The following ABCD3 variants were observed in gnomAD, a reference collection of about 807,000 sequenced individuals.
ABCD3 encodes the protein ATP binding cassette subfamily D member 3.
Under a neutral mutation model 105.5 loss-of-function variants are expected in ABCD3, and 41 were observed. The observed-to-expected ratio is 0.39, with a 90% CI of 0.30 to 0.50. ABCD3 has a LOEUF of 0.50. ABCD3 is among the 20% of genes least tolerant of loss of function. The pLI is 0.84. For missense variants in ABCD3, 622 were observed against 806.3 expected (o/e 0.77, Z 2.77); for synonymous variants, 258 against 269.0 (o/e 0.96, Z 0.40).
At chr1:94,493,370 AT>A (rs1372720502) in intron 16 of ABCD3, among the ~76,000 whole-genome samples, 3 of 152,128 alleles carry the variant, frequency 2.0e-5, no homozygotes, top group African/African-American at 7.2e-5. Flanking sequence ...CATCAGAGAA[AT>A]GCAAATCAAA....
chr1:94,476,893 C>T (rs1448268678), intron 7 of ABCD3, among the ~76,000 whole-genome samples: 1 of 151,712 alleles, frequency 6.6e-6, no homozygotes, highest in Non-Finnish European at 1.5e-5. Context: ...CTCTTTCTCT[C>T]TCTCTCTGTC....
In ABCD3 at chr1:94,499,618, A is replaced by G; in HGVS notation, c.1740+4A>G. 1.2e-6 allele frequency: 2 copies of G among 1,613,474 alleles called. No individual in the cohort carries two copies. The highest frequency in any genetic ancestry group is 2.7e-5 in the African/African-American group (2 of 75,022). ...TGGAGAAAAGCAAAGAATGGCGGTAAGTATACTGTGAAGAAGTTGCACAAG... is the reference window on the plus strand; with the variant it reads ...TGGAGAAAAGCAAAGAATGGCGGTAGGTATACTGTGAAGAAGTTGCACAAG... On this transcript the variant is annotated splice_donor_region_variant and intron_variant, in intron 20 of 22. Coordinates refer to ENST00000370214, the MANE Select transcript of ABCD3 (RefSeq NM_002858.4).
the ABCD3 span, among the ~76,000 whole-genome samples, chr1:94,386,917 C>T: frequency 6.6e-6 from 1 of 152,026 alleles, no homozygotes; most frequent in East Asian, 1.9e-4. Flanking sequence ...CAATGAGCAG[C>T]ATTTCTTTTA....
chr1:94,417,103 T>G (rs1333866359), upstream of ABCD3, among the ~76,000 whole-genome samples: 1 of 152,342 alleles, frequency 6.6e-6, no homozygotes, highest in Non-Finnish European at 1.5e-5. Flanking sequence ...CTGCCTTATG[T>G]CAGCGGTTTT....
chr1:94,421,563 TG>T lies in ABCD3; in HGVS notation c.110+2976del, dbSNP rs1015011617. 2.3e-3 allele frequency among the ~76,000 whole-genome samples: 19 copies of T among 8,086 alleles called. No individual in the cohort carries two copies. The Admixed American group carries it at 0.049, about 21-fold the overall frequency. The allele number at this position is 8,086 out of a possible 152,430, so 5.3% of individuals were successfully genotyped here. A position where few individuals can be genotyped will look rare whatever the true frequency, so the allele number is the denominator to read the frequency against. The stretch of plus-strand genomic sequence containing the variant: ...TATTACTGTACTGGGAGCTATAAGA[TG>T]TGTGTGTGTGTGTGTGTGTGTGTGT... On this transcript the variant is annotated intron_variant, in intron 1 of 22. Transcript: ENST00000370214.
At chr1:94,429,296 C>A (rs1295902956) in intron 1 of ABCD3, among the ~76,000 whole-genome samples, 1 of 152,110 alleles carries the variant, frequency 6.6e-6, no homozygotes, top group African/African-American at 2.4e-5. Flanking sequence ...AAATTTGCAG[C>A]CTGACAATAC....
the ABCD3 span, among the ~76,000 whole-genome samples, chr1:94,405,613 A>AT: frequency 6.6e-6 from 1 of 152,190 alleles, no homozygotes; most frequent in Admixed American, 6.5e-5. Flanking sequence ...AAGCTTTTGA[A>AT]TTTTTTTGCT....
upstream of ABCD3, among the ~76,000 whole-genome samples, chr1:94,414,920 G>C (rs1658970659): frequency 6.6e-6 from 1 of 152,270 alleles, no homozygotes; most frequent in East Asian, 1.9e-4. Flanking sequence ...CATCTTGGCT[G>C]AGCTGTCTGG....
At chr1:94,461,749 A>G (rs987649774) in intron 2 of ABCD3, among the ~76,000 whole-genome samples, 3 of 152,130 alleles carry the variant, frequency 2.0e-5, no homozygotes, top group African/African-American at 7.2e-5. Flanking sequence ...ATTTTATGGT[A>G]TTATAAACGA....
chr1:94,418,986 G>A (rs999393195), intron 1 of ABCD3: 6 of 227,464 alleles, frequency 2.6e-5, no homozygotes, highest in Admixed American at 1.7e-4. Flanking sequence ...TCTTCAGACC[G>A]TGAAGGATTT....
intron 2 of ABCD3, 47 bp downstream of exon 2, chr1:94,458,690 C>A: frequency 3.2e-6 from 5 of 1,552,442 alleles, no homozygotes; most frequent in Non-Finnish European, 4.4e-6. Flanking sequence ...GCATTTATTT[C>A]ATTTATTTTG....
Position 94,498,732 on chromosome 1 carries a change from A to G in ABCD3, c.1465-51A>G, listed in dbSNP as rs775281796. 14 of 1,612,850 alleles carry G rather than the reference A, an allele frequency of 8.7e-6. No homozygotes were observed. In the East Asian group the frequency reaches 2.2e-4, roughly 26 times the overall value. ...GCAGTCTTATTTTGCCATACTGTCT[A>G]CCACTTTGTAAATTTTACAATTGTT... On this transcript the variant is annotated intron_variant, in intron 17 of 22. Transcript: ENST00000370214.
At chr1:94,486,049 G>C (rs577755089) in intron 10 of ABCD3, among the ~76,000 whole-genome samples, 2 of 151,948 alleles carry the variant, frequency 1.3e-5, no homozygotes, top group African/African-American at 4.8e-5. Context: ...AAAATTAGCC[G>C]GTTGTTGTGG....
chr1:94,389,015 C>A, the ABCD3 span, among the ~76,000 whole-genome samples: 5 of 152,104 alleles, frequency 3.3e-5, no homozygotes, highest in African/African-American at 1.2e-4. Context: ...AAGCTTTGCC[C>A]CATGACTGTA....
Position 94,480,600 on chromosome 1 carries a change from C to T in ABCD3, c.821C>T (p.Thr274Ile). 2 of 1,613,578 alleles carry T rather than the reference C, an allele frequency of 1.2e-6. No individual in the cohort carries two copies. Among genetic ancestry groups the T allele is most frequent in the Non-Finnish European group, 1.7e-6 (2 of 1,179,678 alleles). The change falls in exon 9 of 23, where the codon ACA (threonine) becomes ATA (isoleucine). Residue 274 changes from threonine to isoleucine, a missense_variant. Thr to Ile is a moderately conservative substitution (Grantham distance 89). Coordinates refer to ENST00000370214, the MANE Select transcript of ABCD3 (RefSeq NM_002858.4). ...AGATATGTTAATTCTCGGCTCATCA[C>T]AAACAGGTAAAGACAAATGCATTAA... ...EYRYVNSRLI[T>I]NSEEIAFYNG...
At chr1:94,396,249 AG>A in the ABCD3 span, among the ~76,000 whole-genome samples, 8 of 152,208 alleles carry the variant, frequency 5.3e-5, no homozygotes, top group African/African-American at 1.9e-4. Flanking sequence ...CAGTTAGTAA[AG>A]GGGATAATAA....
chr1:94,408,608 C>A, the ABCD3 span, among the ~76,000 whole-genome samples: 1 of 151,712 alleles, frequency 6.6e-6, no homozygotes, highest in African/African-American at 2.4e-5. Context: ...AACAAACAAA[C>A]AAAAAAATCA....
chr1:94,451,385 C>T (rs1034040802), intron 1 of ABCD3, among the ~76,000 whole-genome samples: 4 of 152,128 alleles, frequency 2.6e-5, no homozygotes, highest in Non-Finnish European at 5.9e-5. Context: ...TTATAATAAA[C>T]ATACTTTACT....
intron 21 of ABCD3, among the ~76,000 whole-genome samples, chr1:94,512,475 TA>T (rs1245914278): frequency 1.3e-5 from 2 of 151,968 alleles, no homozygotes; most frequent in Admixed American, 1.3e-4. Flanking sequence ...CTCATTTATA[TA>T]AAACAACGTA....
Sources: gnomAD v4.1 joint callset for allele counts (sites outside exome capture counted in the v4.1 genomes callset) on GRCh38, gnomAD v4.1.1 for gene constraint, MANE v1.5 for transcripts, NCBI Gene and HGNC (gene_info 2026-07-23, HGNC 2026-07-21) for gene names.